TIAM1: variants seen among roughly 807,000 people sequenced by gnomAD.
TIAM1 encodes rho guanine nucleotide exchange factor TIAM1.
TIAM1 carries 65 observed loss-of-function variants against 163.5 expected under a neutral mutation model. The ratio of observed to expected loss-of-function variants is 0.40; its 90% CI spans 0.33 to 0.49. The LOEUF (loss-of-function observed/expected upper bound fraction) is 0.49. TIAM1 is among the 20% of genes least tolerant of loss of function. The pLI, the probability that TIAM1 is intolerant of heterozygous loss-of-function variation, is 0.77. For synonymous variants in TIAM1, 833 were observed against 810.1 expected (o/e 1.03, Z -0.48); for missense variants, 1,789 against 2,044.7 (o/e 0.87, Z 2.41).
chr21:31,333,973 T>C (rs191866809), intron 2 of TIAM1, among the ~76,000 whole-genome samples: 1 of 152,326 alleles, frequency 6.6e-6, no homozygotes, highest in Admixed American at 6.5e-5. Context: ...ATACATTACC[T>C]TACCTTGGCT....
chr21:31,282,422 G>A (rs2073609214), intron 2 of TIAM1, among the ~76,000 whole-genome samples: 1 of 152,220 alleles, frequency 6.6e-6, no homozygotes, highest in Non-Finnish European at 1.5e-5. Flanking sequence ...GTTCCTTCCA[G>A]GAAATTCTTC....
At chr21:31,376,597 G>A (rs1464944054) in intron 2 of TIAM1, among the ~76,000 whole-genome samples, 1 of 152,140 alleles carries the variant, frequency 6.6e-6, no homozygotes, top group African/African-American at 2.4e-5. Flanking sequence ...AGCAGAGGGA[G>A]GAGGAGATGC....
At chr21:31,535,599 A>C (rs905963491) in intron 1 of TIAM1, among the ~76,000 whole-genome samples, 1 of 151,958 alleles carries the variant, frequency 6.6e-6, no homozygotes, top group Non-Finnish European at 1.5e-5. Context: ...TGCCCACGTA[A>C]AGGGGATGTC....
chr21:31,277,888 G>A (rs1308938076), intron 2 of TIAM1, among the ~76,000 whole-genome samples: 2 of 152,088 alleles, frequency 1.3e-5, no homozygotes. Context: ...TTGGATACAG[G>A]CATAAAATGA....
At chr21:31,250,820 T>C (rs1184842480) in intron 5 of TIAM1, among the ~76,000 whole-genome samples, 1 of 152,164 alleles carries the variant, frequency 6.6e-6, no homozygotes, top group Non-Finnish European at 1.5e-5. Flanking sequence ...CGTGCAACAA[T>C]ACGTACATGT....
intron 27 of TIAM1, among the ~76,000 whole-genome samples, chr21:31,122,645 A>T (rs2082046016): frequency 6.6e-6 from 1 of 152,166 alleles, no homozygotes; most frequent in Non-Finnish European, 1.5e-5. Context: ...AAAGAAAAAA[A>T]TTTTTAATTG....
intron 12 of TIAM1, 52 bp from the exon 13 acceptor site, chr21:31,195,357 A>T (rs1420208010): frequency 7.8e-7 from 1 of 1,277,506 alleles, no homozygotes; most frequent in South Asian, 1.3e-5. Context: ...ACTAACTTTT[A>T]AAAATGGTCA....
upstream of TIAM1, among the ~76,000 whole-genome samples, chr21:31,347,778 C>T (rs899218353): frequency 7.1e-6 from 1 of 140,870 alleles, no homozygotes; most frequent in Non-Finnish European, 1.5e-5. Context: ...CCCTTATGCA[C>T]GAACGTTCAG....
intron 2 of TIAM1, among the ~76,000 whole-genome samples, chr21:31,438,431 A>G (rs535143998): frequency 6.6e-6 from 1 of 151,894 alleles, no homozygotes; most frequent in Admixed American, 6.6e-5. Context: ...ACCTCAAGTG[A>G]CCCACCCACC....
chr21:31,499,638 T>C (rs2046783000), intron 1 of TIAM1, among the ~76,000 whole-genome samples: 1 of 149,866 alleles, frequency 6.7e-6, no homozygotes, highest in African/African-American at 2.5e-5. Flanking sequence ...GATAACAAGG[T>C]CAGGAGTTCA....
At chr21:31,515,372 G>A (rs975469660) in intron 1 of TIAM1, among the ~76,000 whole-genome samples, 4 of 152,158 alleles carry the variant, frequency 2.6e-5, no homozygotes, top group African/African-American at 7.2e-5. Context: ...CTGTGCCCCA[G>A]ATCTACTGAA....
In TIAM1 at chr21:31,204,804, G is replaced by C. The variant is rs941516151; in HGVS notation, c.2389-1792C>G. 1.2e-4 allele frequency among the ~76,000 whole-genome samples: 19 copies of C among 152,174 alleles called. 1 individual carries two copies. The highest frequency in any genetic ancestry group is 4.4e-5 in the Non-Finnish European group (3 of 68,022). ...TGTAAAAGCACATTTCCAGAAAGTG[G>C]AAATGAGTTCACTCTGAACACATAG... is the stretch of plus-strand genomic sequence containing the variant. On this transcript the variant is annotated intron_variant, in intron 11 of 27. Transcript: ENST00000541036.
At chr21:31,443,498 T>C (rs1227349986) in intron 2 of TIAM1, among the ~76,000 whole-genome samples, 1 of 152,210 alleles carries the variant, frequency 6.6e-6, no homozygotes, top group African/African-American at 2.4e-5. Context: ...TAATATTCTT[T>C]CAATGCATTC....
chr21:31,368,977 C>T (rs845690), intron 2 of TIAM1, among the ~76,000 whole-genome samples: 105,574 of 151,934 alleles, frequency 0.69, 37,133 homozygotes, highest in Middle Eastern at 0.84. Context: ...TGGTGGCTCA[C>T]GCCTGTAATC....
At chr21:31,200,145 G>T (rs7276829) in intron 12 of TIAM1, among the ~76,000 whole-genome samples, 1 of 151,952 alleles carries the variant, frequency 6.6e-6, no homozygotes, top group Non-Finnish European at 1.5e-5. Context: ...AACAGCTAGA[G>T]TAGTGCCAGG....
chr21:31,143,288 G>T (rs931336085), intron 20 of TIAM1, among the ~76,000 whole-genome samples: 2 of 152,082 alleles, frequency 1.3e-5, no homozygotes, highest in African/African-American at 4.8e-5. Context: ...CATTTCCAAT[G>T]AATATTCATC....
Position 31,363,424 on chromosome 21 carries a change from G to A in TIAM1, c.-368-24002C>T, listed in dbSNP as rs191912422. On this transcript the variant is annotated intron_variant, in intron 2 of 28. Coordinates refer to the TIAM1 transcript ENST00000286827. ...GGACCGGGATTTTGTTTTTTTTTCTGGGTTTTTTAAATGGTTTTACTGCTG... is the reference window on the plus strand; with the variant it reads ...GGACCGGGATTTTGTTTTTTTTTCTAGGTTTTTTAAATGGTTTTACTGCTG... Among the ~76,000 whole-genome samples, 5 of 151,388 alleles carry A rather than the reference G, an allele frequency of 3.3e-5. No individual in the cohort carries two copies. The East Asian group carries it at 9.7e-4, about 29-fold the overall frequency.
At chr21:31,460,278 CACACACATA>C (rs929484817) in intron 2 of TIAM1, among the ~76,000 whole-genome samples, 14 of 152,194 alleles carry the variant, frequency 9.2e-5, no homozygotes. Context: ...CCTTCGACCA[CACACACATA>C]AAGGCAGGTA....
intron 2 of TIAM1, among the ~76,000 whole-genome samples, chr21:31,393,413 A>G (rs557064645): frequency 6.6e-6 from 1 of 152,276 alleles, no homozygotes; most frequent in African/African-American, 2.4e-5. Context: ...TTACTATTCC[A>G]TGAGCTCAAC....
Sources: allele counts gnomAD v4.1 joint callset (sites outside exome capture counted in the v4.1 genomes callset), GRCh38; gene constraint gnomAD v4.1.1; transcripts MANE v1.5; gene names NCBI Gene and HGNC (gene_info 2026-07-23, HGNC 2026-07-21).